SNX8: variants seen among roughly 807,000 people sequenced by gnomAD.
SNX8 encodes sorting nexin-8.
SNX8 carries 25 observed loss-of-function variants against 51.6 expected under a neutral mutation model. That is an observed-to-expected ratio of 0.48 (90% CI 0.35 to 0.68). The LOEUF (loss-of-function observed/expected upper bound fraction) is 0.68. SNX8 is among the 30% of genes least tolerant of loss of function. SNX8 has a pLI of 0.00. For missense variants in SNX8, 695 were observed against 624.0 expected (o/e 1.11, Z -1.21); for synonymous variants, 324 against 277.0 (o/e 1.17, Z -1.68).
At chr7:2,304,873 C>CCT (rs781575224) in intron 1 of SNX8, among the ~76,000 whole-genome samples, 1 of 152,188 alleles carries the variant, frequency 6.6e-6, no homozygotes, top group Non-Finnish European at 1.5e-5. Flanking sequence ...CCACCCCCAG[C>CCT]CTGGACTGGA....
chr7:2,270,882 A>G (rs1795628229), intron 4 of SNX8, among the ~76,000 whole-genome samples: 1 of 152,004 alleles, frequency 6.6e-6, no homozygotes, highest in South Asian at 2.1e-4. Context: ...TTTCCCTGAA[A>G]TAGAGGAGAG....
chr7:2,347,896 G>A (rs1357679380), intron 1 of SNX8, among the ~76,000 whole-genome samples: 2 of 76,784 alleles, frequency 2.6e-5, no homozygotes, highest in African/African-American at 7.0e-5. Flanking sequence ...TGCCCGCTTC[G>A]GCCTCCCAGT....
intron 1 of SNX8, among the ~76,000 whole-genome samples, chr7:2,353,880 G>A (rs1355236497): frequency 6.6e-6 from 1 of 152,170 alleles, no homozygotes; most frequent in African/African-American, 2.4e-5. Context: ...AAAGTGCTGG[G>A]ATAACAGGCG....
At chr7:2,348,709 C>G (rs1261038626) in intron 1 of SNX8, among the ~76,000 whole-genome samples, 2 of 151,496 alleles carry the variant, frequency 1.3e-5, no homozygotes, top group Non-Finnish European at 2.9e-5. Context: ...TTCCAGCACT[C>G]TGAGAGGCGG....
chr7:2,283,898 C>T (rs1307165033), intron 1 of SNX8, among the ~76,000 whole-genome samples: 3 of 152,172 alleles, frequency 2.0e-5, no homozygotes, highest in Non-Finnish European at 2.9e-5. Flanking sequence ...AGGGTTCCAG[C>T]GATTCTCATG....
chr7:2,302,910 C>T lies in SNX8; in HGVS notation c.94+11418G>A, dbSNP rs1168008898. ...GTGAGGAGCCCCTCCGCCCGGCAGCCGCCCTGTCTGAGAAGTGAGGAGCCT... is the reference window on the plus strand; with the variant it reads ...GTGAGGAGCCCCTCCGCCCGGCAGCTGCCCTGTCTGAGAAGTGAGGAGCCT... On this transcript the variant is annotated intron_variant, in intron 1 of 10. Transcript: ENST00000222990. 7.1e-3 allele frequency among the ~76,000 whole-genome samples: 1,081 copies of T among 151,396 alleles called. 13 individuals are homozygous for T. Among genetic ancestry groups the T allele is most frequent in the African/African-American group, 0.025 (1,025 of 41,266 alleles).
chr7:2,309,701 A>G, intron 1 of SNX8: 1 of 444,816 alleles, frequency 2.2e-6, no homozygotes, highest in South Asian at 1.6e-5. Flanking sequence ...ATCGCACTCC[A>G]GCCTGGACAA....
At chr7:2,280,066 G>A (rs1420944273) in intron 1 of SNX8, among the ~76,000 whole-genome samples, 1 of 152,132 alleles carries the variant, frequency 6.6e-6, no homozygotes, top group Non-Finnish European at 1.5e-5. Flanking sequence ...GAGAAGAAGG[G>A]AGGAAAGAAA....
chr7:2,278,404 G>A (rs1795834155), intron 1 of SNX8, 99 bp from the exon 2 acceptor site: 2 of 707,316 alleles, frequency 2.8e-6, no homozygotes, highest in African/African-American at 1.8e-5. Context: ...AGCACTTTGG[G>A]AGGCCCAGGA....
intron 2 of SNX8, among the ~76,000 whole-genome samples, chr7:2,277,132 G>A (rs1337757998): frequency 5.9e-5 from 9 of 152,164 alleles, no homozygotes; most frequent in Non-Finnish European, 2.9e-5. Flanking sequence ...ACCTCCCAAG[G>A]ACAGTGTTAG....
intron 5 of SNX8, among the ~76,000 whole-genome samples, chr7:2,266,408 G>A (rs906583624): frequency 1.3e-5 from 2 of 151,422 alleles, no homozygotes; most frequent in Non-Finnish European, 2.9e-5. Flanking sequence ...GTGCAGTGGC[G>A]CAATCTTGGC....
At chr7:2,346,098 C>T (rs1381891500) in intron 1 of SNX8, among the ~76,000 whole-genome samples, 1 of 152,090 alleles carries the variant, frequency 6.6e-6, no homozygotes, top group African/African-American at 2.4e-5. Context: ...TGAGCCACCA[C>T]ACCCAGCCTA....
At position 2,265,951 on chromosome 7, in the gene SNX8, AAAAC is replaced by A. The variant is rs530213384; in HGVS notation, c.622-1497_622-1494del. On this transcript the variant is annotated intron_variant, in intron 5 of 10. Coordinates refer to ENST00000222990, the MANE Select transcript of SNX8 (RefSeq NM_013321.4). Reference sequence around the variant, plus strand: ...ACATAGTGAGACTTCATCTATACCAAAAACAAACAAACAAATCAGCCAAGTACTG... The same window carrying A: ...ACATAGTGAGACTTCATCTATACCAAAAACAAACAAATCAGCCAAGTACTG... 1.8e-4 allele frequency among the ~76,000 whole-genome samples: 28 copies of A among 152,138 alleles called. No individual in the cohort carries two copies. In the South Asian group the frequency reaches 4.4e-3, roughly 24 times the overall value.
At chr7:2,269,308 G>T (rs1795579558) in intron 5 of SNX8, among the ~76,000 whole-genome samples, 1 of 151,188 alleles carries the variant, frequency 6.6e-6, no homozygotes, top group South Asian at 2.1e-4. Flanking sequence ...ACAGATGCTT[G>T]AAGGCAGCAT....
chr7:2,310,481 G>A (rs906032883), intron 1 of SNX8, among the ~76,000 whole-genome samples: 3 of 152,088 alleles, frequency 2.0e-5, no homozygotes, highest in African/African-American at 7.2e-5. Flanking sequence ...AAATTGGCCA[G>A]GCGTGGCTGG....
chr7:2,285,934 C>G (rs1441505351), intron 1 of SNX8, among the ~76,000 whole-genome samples: 9 of 152,154 alleles, frequency 5.9e-5, no homozygotes, highest in Non-Finnish European at 1.0e-4. Flanking sequence ...CCTCCCACCT[C>G]AACCTATCAA....
rs1205128079 is a variant in SNX8, at chr7:2,253,879, C to A, written c.*1177G>T. 2.0e-5 allele frequency: 3 copies of A among 152,296 alleles called. No homozygotes were observed. The highest frequency in any genetic ancestry group is 4.4e-5 in the Non-Finnish European group (3 of 68,142). 9.4% of individuals were successfully genotyped at this position (152,296 alleles called of 1,614,324 possible). ...CTGCGGAGCGGAGGGACCTCGGAAA[C>A]CCTGGAGCCCGGCGGGCCTCTTCCA... On this transcript the variant is annotated 3_prime_UTR_variant, in exon 11 of 11. Coordinates refer to ENST00000222990, the MANE Select transcript of SNX8 (RefSeq NM_013321.4).
At chr7:2,287,390 C>G (rs2115158970) in intron 1 of SNX8, among the ~76,000 whole-genome samples, 1 of 152,170 alleles carries the variant, frequency 6.6e-6, no homozygotes, top group South Asian at 2.1e-4. Context: ...ACCAGCCTGG[C>G]CAACATAGAG....
At position 2,253,867 on chromosome 7, in the gene SNX8, G is replaced by A. The variant is rs1311613851; in HGVS notation, c.*1189C>T. On this transcript the variant is annotated 3_prime_UTR_variant, in exon 11 of 11. Transcript: ENST00000222990. ...GCCAGTGAGCATCTGCGGAGCGGAG[G>A]GACCTCGGAAACCCTGGAGCCCGGC... is the stretch of plus-strand genomic sequence containing the variant. The A allele has an allele frequency of 6.6e-6, 1 of 152,302 alleles. No individual in the cohort carries two copies. The highest frequency in any genetic ancestry group is 2.4e-5 in the African/African-American group (1 of 41,454). The allele number at this position is 152,302 out of a possible 1,614,324, so 9.4% of individuals were successfully genotyped here. A position where few individuals can be genotyped will look rare whatever the true frequency, so the allele number is the denominator to read the frequency against.
Sources: gnomAD v4.1 joint callset for allele counts (sites outside exome capture counted in the v4.1 genomes callset) on GRCh38, gnomAD v4.1.1 for gene constraint, MANE v1.5 for transcripts, NCBI Gene and HGNC (gene_info 2026-07-23, HGNC 2026-07-21) for gene names.